PRKAR1B: variants seen among roughly 807,000 people sequenced by gnomAD.
The protein encoded by PRKAR1B is cAMP-dependent protein kinase type I-beta regulatory subunit.
A neutral mutation model predicts 46.5 loss-of-function variants in PRKAR1B; 22 were observed. The ratio of observed to expected loss-of-function variants is 0.47; its 90% CI spans 0.34 to 0.68. The LOEUF is 0.68. PRKAR1B is among the 30% of genes least tolerant of loss of function. PRKAR1B has a pLI of 0.01. For missense variants in PRKAR1B, 445 were observed against 535.6 expected (o/e 0.83, Z 1.67); for synonymous variants, 259 against 217.7 (o/e 1.19, Z -1.67).
chr7:685,295 C>T (rs1171181304), intron 2 of PRKAR1B, among the ~76,000 whole-genome samples: 680 of 11,940 alleles, frequency 0.057, 45 homozygotes, highest in East Asian at 0.096. Flanking sequence ...TATATGTATA[C>T]ATATATATAT....
rs546831622 is a variant in PRKAR1B, at chr7:672,219, C to T, written c.440+5010G>A. On this transcript the variant is annotated intron_variant, in intron 4 of 10. Transcript: ENST00000537384. ...AGGCTGGAGTGCAGTGGCATGATCT[C>T]GGCTCATTGCAATCTCCGCCACCCG... 3.3e-5 allele frequency among the ~76,000 whole-genome samples: 5 copies of T among 152,102 alleles called. No homozygotes were observed. In the East Asian group the frequency reaches 7.8e-4, roughly 24 times the overall value.
chr7:598,357 C>T (rs1248258489), intron 6 of PRKAR1B, among the ~76,000 whole-genome samples: 16 of 147,208 alleles, frequency 1.1e-4, no homozygotes, highest in South Asian at 2.2e-4. Context: ...TAAACACCAT[C>T]GCCCTCCCTC....
intron 2 of PRKAR1B, among the ~76,000 whole-genome samples, chr7:694,159 C>A (rs1779597245): frequency 6.6e-6 from 1 of 152,154 alleles, no homozygotes; most frequent in Non-Finnish European, 1.5e-5. Context: ...GTGGTGTGCG[C>A]CTGTAGTCCC....
At chr7:727,354 ACT>A (rs1354025743), upstream of PRKAR1B, 152 of 944,174 alleles carry the variant, frequency 1.6e-4, 2 homozygotes, top group East Asian at 0.011. Flanking sequence ...GCCACCCCAC[ACT>A]CTCACCCCCA....
At chr7:605,882 G>A (rs1040492316) in intron 6 of PRKAR1B, among the ~76,000 whole-genome samples, 4 of 152,160 alleles carry the variant, frequency 2.6e-5, no homozygotes, top group Admixed American at 2.0e-4. Flanking sequence ...ATCTGGAGAC[G>A]GCGCTGGGTC....
chr7:704,815 T>G (rs2128524318), intron 2 of PRKAR1B, among the ~76,000 whole-genome samples: 1 of 152,178 alleles, frequency 6.6e-6, no homozygotes, highest in Non-Finnish European at 1.5e-5. Flanking sequence ...AGAAAATATT[T>G]TGTAAATTAA....
At chr7:653,386 C>T (rs1163429681) in intron 4 of PRKAR1B, among the ~76,000 whole-genome samples, 25 of 152,212 alleles carry the variant, frequency 1.6e-4, no homozygotes, top group Admixed American at 1.6e-3. Context: ...TCACCCACCT[C>T]ATCGTTCAGA....
At chr7:625,211 G>A (rs905142562) in intron 4 of PRKAR1B, among the ~76,000 whole-genome samples, 1 of 152,106 alleles carries the variant, frequency 6.6e-6, no homozygotes, top group African/African-American at 2.4e-5. Flanking sequence ...TATTTTGAAC[G>A]AAATGAAAAT....
chr7:563,812 T>A (rs746498114), intron 9 of PRKAR1B, among the ~76,000 whole-genome samples: 3 of 151,886 alleles, frequency 2.0e-5, no homozygotes, highest in Non-Finnish European at 4.4e-5. Context: ...TGTGCACAGG[T>A]GTGCCTGTGT....
chr7:692,766 AC>A (rs1442316628), intron 2 of PRKAR1B, among the ~76,000 whole-genome samples: 9 of 152,070 alleles, frequency 5.9e-5, no homozygotes, highest in Non-Finnish European at 1.0e-4. Flanking sequence ...CCGGAGACCG[AC>A]CCGGGCACTC....
At chr7:699,649 G>A (rs1052505616) in intron 2 of PRKAR1B, among the ~76,000 whole-genome samples, 1 of 152,140 alleles carries the variant, frequency 6.6e-6, no homozygotes, top group Admixed American at 6.6e-5. Context: ...GGAAGCAGCC[G>A]TGGCCCTAAA....
At chr7:567,935 A>G (rs940564506) in intron 9 of PRKAR1B, among the ~76,000 whole-genome samples, 3 of 152,156 alleles carry the variant, frequency 2.0e-5, no homozygotes, top group African/African-American at 4.8e-5. Context: ...GGAAGATGAA[A>G]CATTCTGGAG....
At chr7:658,587 G>A (rs917638720) in intron 4 of PRKAR1B, among the ~76,000 whole-genome samples, 23 of 152,194 alleles carry the variant, frequency 1.5e-4, no homozygotes, top group Admixed American at 9.2e-4. Flanking sequence ...TATGGAAGCC[G>A]GCGGCTCACG....
intron 2 of PRKAR1B, among the ~76,000 whole-genome samples, chr7:690,327 C>T (rs559708971): frequency 6.6e-6 from 1 of 151,280 alleles, no homozygotes; most frequent in East Asian, 2.0e-4. Flanking sequence ...AGGAAGGGAG[C>T]GAGGGCTGAA....
intron 6 of PRKAR1B, among the ~76,000 whole-genome samples, chr7:599,203 C>T (rs1781451442): frequency 1.3e-5 from 2 of 152,232 alleles, no homozygotes; most frequent in South Asian, 4.1e-4. Context: ...CTTCTCAGGA[C>T]ACTGGCCACT....
At chr7:715,870 C>T (rs1196469398) in intron 1 of PRKAR1B, among the ~76,000 whole-genome samples, 2 of 151,974 alleles carry the variant, frequency 1.3e-5, no homozygotes, top group African/African-American at 2.4e-5. Flanking sequence ...CGCCCGCCAC[C>T]GCGCCCGGCT....
intron 1 of PRKAR1B, among the ~76,000 whole-genome samples, chr7:713,583 A>G (rs1343335172): frequency 6.7e-6 from 1 of 150,058 alleles, no homozygotes; most frequent in African/African-American, 2.5e-5. Context: ...ATACACACTC[A>G]CCGTCTCCCA....
chr7:589,150 TC>T (rs1780839163), intron 7 of PRKAR1B, among the ~76,000 whole-genome samples: 1 of 150,872 alleles, frequency 6.6e-6, no homozygotes, highest in Admixed American at 6.6e-5. Flanking sequence ...TACCCATGAC[TC>T]CCCATGCCCT....
At chr7:569,094 A>C (rs1779346338) in intron 9 of PRKAR1B, among the ~76,000 whole-genome samples, 1 of 151,702 alleles carries the variant, frequency 6.6e-6, no homozygotes, top group African/African-American at 2.4e-5. Flanking sequence ...GAGAGAAAAT[A>C]TCAAGGCAAA....
Sources: allele counts gnomAD v4.1 joint callset (sites outside exome capture counted in the v4.1 genomes callset), GRCh38; gene constraint gnomAD v4.1.1; transcripts MANE v1.5; gene names NCBI Gene and HGNC (gene_info 2026-07-23, HGNC 2026-07-21).